The following GLI2 variants were observed in gnomAD, a reference collection of about 807,000 sequenced individuals.
The protein encoded by GLI2 is GLI family zinc finger 2.
In GLI2, 22 loss-of-function variants were observed where a neutral mutation model predicts 78.9. That is an observed-to-expected ratio of 0.28 (90% CI 0.20 to 0.40). GLI2 has a LOEUF of 0.40. Among genes scored for constraint, GLI2 ranks in the 10% least tolerant of loss-of-function variants. The probability of loss-of-function intolerance (pLI) is 1.00; values close to 1 mark genes in which losing one functional copy is unlikely to be tolerated. For synonymous variants in GLI2, 974 were observed against 963.7 expected (o/e 1.01, Z -0.20); for missense variants, 2,097 against 2,213.2 (o/e 0.95, Z 1.05).
intron 1 of GLI2, among the ~76,000 whole-genome samples, chr2:120,741,387 C>T (rs1161806827): frequency 6.6e-6 from 1 of 151,944 alleles, no homozygotes; most frequent in Non-Finnish European, 1.5e-5. Context: ...GCTATCCGTC[C>T]GTCCTTTCTG....
At chr2:120,747,458 T>G (rs1481922099) in intron 1 of GLI2, among the ~76,000 whole-genome samples, 1 of 152,168 alleles carries the variant, frequency 6.6e-6, no homozygotes, top group Non-Finnish European at 1.5e-5. Flanking sequence ...CTCCCAGAGT[T>G]GGCTCCTGAG....
intron 2 of GLI2, among the ~76,000 whole-genome samples, chr2:120,876,156 G>A (rs1039577920): frequency 4.6e-5 from 7 of 152,048 alleles, no homozygotes; most frequent in Non-Finnish European, 8.8e-5. Flanking sequence ...CCTGGCTAAC[G>A]CGGTGAAACC....
chr2:120,970,659 A>G, intron 7 of GLI2, 53 bp downstream of exon 7: 5 of 1,421,368 alleles, frequency 3.5e-6, no homozygotes, highest in Non-Finnish European at 5.0e-6. Context: ...TGGACACATG[A>G]GGGTTGTTCA....
At chr2:120,830,695 G>C (rs558668962) in intron 2 of GLI2, among the ~76,000 whole-genome samples, 2 of 152,296 alleles carry the variant, frequency 1.3e-5, no homozygotes, top group East Asian at 3.9e-4. Flanking sequence ...AGGTGGCTGG[G>C]GGAGTGCCCT....
In GLI2 at chr2:120,739,180, C is replaced by T. The variant is rs574365195; in HGVS notation, c.-31+2895C>T. ...TCCCACAAGTGCCCTGTACACAGTG[C>T]AGCCCCTGGGGCTGGATTAGCAAAC... On this transcript the variant is annotated intron_variant, in intron 1 of 13. Coordinates refer to ENST00000361492, the MANE Select transcript of GLI2 (RefSeq NM_001374353.1). Among the ~76,000 whole-genome samples the T allele has an allele frequency of 4.6e-5, 7 of 152,314 alleles. 1 individual carries two copies. In the South Asian group the frequency reaches 1.5e-3, roughly 32 times the overall value.
intron 1 of GLI2, among the ~76,000 whole-genome samples, chr2:120,772,579 G>A (rs999308979): frequency 6.6e-6 from 1 of 152,226 alleles, no homozygotes; most frequent in African/African-American, 2.4e-5. Context: ...GAGCCCTTCG[G>A]GCCTGGCCAT....
At chr2:120,940,685 C>T (rs1250642916) in intron 3 of GLI2, among the ~76,000 whole-genome samples, 1 of 152,204 alleles carries the variant, frequency 6.6e-6, no homozygotes, top group Non-Finnish European at 1.5e-5. Context: ...GGATTGAGGG[C>T]CTGTGATTTC....
chr2:120,961,350 A>T (rs4422162), intron 5 of GLI2, among the ~76,000 whole-genome samples: 2 of 152,164 alleles, frequency 1.3e-5, no homozygotes, highest in African/African-American at 2.4e-5. Context: ...CCCAAGTCAG[A>T]CAGGGATCCC....
In GLI2 at chr2:120,800,816, A is replaced by G. The variant is rs143793874; in HGVS notation, c.148+3348A>G. Among the ~76,000 whole-genome samples, 595 of 152,224 alleles carry G rather than the reference A, an allele frequency of 3.9e-3. No individual in the cohort carries two copies. Among genetic ancestry groups the G allele is most frequent in the Middle Eastern group, 0.017 (5 of 294 alleles). On this transcript the variant is annotated intron_variant, in intron 2 of 13. Coordinates refer to ENST00000361492, the MANE Select transcript of GLI2 (RefSeq NM_001374353.1). The surrounding 1 kb of genome is among the most constrained non-coding windows in gnomAD (Gnocchi z 4.1). ...CCACCGCACCCGGCCGAAAGGGATGACTTATACGAGCTTAGTGTTTCCTGA... is the reference window on the plus strand; with the variant it reads ...CCACCGCACCCGGCCGAAAGGGATGGCTTATACGAGCTTAGTGTTTCCTGA...
chr2:120,829,642 C>T (rs977539212), intron 2 of GLI2, among the ~76,000 whole-genome samples: 3 of 152,222 alleles, frequency 2.0e-5, no homozygotes, highest in Non-Finnish European at 4.4e-5. Flanking sequence ...ATTATTATCA[C>T]CAATCCGTAA....
rs565143200 is a variant in GLI2, at chr2:120,735,937, C to G, written c.-379C>G. ...ACGGCTCCGCGGACTTTTTTTCAAA[C>G]TCCCATCAATGAGACTTCGAGGAGG... On this transcript the variant is annotated 5_prime_UTR_variant, in exon 1 of 14. Coordinates refer to ENST00000361492, the MANE Select transcript of GLI2 (RefSeq NM_001374353.1). Among the ~76,000 whole-genome samples the G allele has an allele frequency of 6.6e-6, 1 of 151,864 alleles. No homozygotes were observed. Among genetic ancestry groups the G allele is most frequent in the Non-Finnish European group, 1.5e-5 (1 of 67,944 alleles).
chr2:120,959,706 G>T (rs974290140), intron 5 of GLI2, among the ~76,000 whole-genome samples: 3 of 152,170 alleles, frequency 2.0e-5, no homozygotes, highest in Non-Finnish European at 4.4e-5. Context: ...TGAACCATGG[G>T]AGCTGGGGAG....
At chr2:120,898,052 G>A (rs1450733199) in intron 2 of GLI2, among the ~76,000 whole-genome samples, 1 of 151,982 alleles carries the variant, frequency 6.6e-6, no homozygotes, top group African/African-American at 2.4e-5. Context: ...AGTGAAGGGG[G>A]ACCACAGGTC....
At chr2:120,782,680 A>G (rs928866101) in intron 1 of GLI2, among the ~76,000 whole-genome samples, 1 of 152,206 alleles carries the variant, frequency 6.6e-6, no homozygotes, top group Admixed American at 6.5e-5. Context: ...CTTTGGCATC[A>G]TGGACATTCT....
intron 1 of GLI2, among the ~76,000 whole-genome samples, chr2:120,757,022 C>A (rs1336535755): frequency 4.6e-5 from 7 of 152,184 alleles, no homozygotes. Flanking sequence ...AATGTCTAAT[C>A]TACCACCAAT....
At chr2:120,818,034 C>T (rs1268256985) in intron 2 of GLI2, among the ~76,000 whole-genome samples, 5 of 152,184 alleles carry the variant, frequency 3.3e-5, no homozygotes, top group South Asian at 2.1e-4. Context: ...TTCTAAACCC[C>T]GTGCTCCACT....
At chr2:120,760,635 C>T (rs970952897) in intron 1 of GLI2, among the ~76,000 whole-genome samples, 3 of 152,204 alleles carry the variant, frequency 2.0e-5, no homozygotes, top group African/African-American at 7.2e-5. Flanking sequence ...TGTCTGCCTG[C>T]CCGCATGCTT....
intron 2 of GLI2, among the ~76,000 whole-genome samples, chr2:120,903,597 G>A (rs1427823305): frequency 6.6e-6 from 1 of 152,184 alleles, no homozygotes; most frequent in Non-Finnish European, 1.5e-5. Context: ...AAAATAGCCA[G>A]GCTCTTGGAG....
At chr2:120,876,687 C>T (rs1013102677) in intron 2 of GLI2, among the ~76,000 whole-genome samples, 6 of 152,038 alleles carry the variant, frequency 3.9e-5, no homozygotes, top group Non-Finnish European at 8.8e-5. Context: ...TGAGGAAGGC[C>T]TGGCTCCACT....
Sources: allele counts gnomAD v4.1 joint callset (sites outside exome capture counted in the v4.1 genomes callset), GRCh38; gene constraint gnomAD v4.1.1; non-coding constraint Gnocchi (gnomAD v3.1); transcripts MANE v1.5; gene names NCBI Gene and HGNC (gene_info 2026-07-23, HGNC 2026-07-21).